The following LMBRD1 variants were observed in gnomAD, a reference collection of about 807,000 sequenced individuals.
LMBRD1 encodes the protein LMBR1 domain containing 1.
Under a neutral mutation model 74.8 loss-of-function variants are expected in LMBRD1, and 64 were observed. The observed-to-expected ratio is 0.86, with a 90% CI of 0.70 to 1.05. The LOEUF is 1.05. LMBRD1 is among the 50% of genes least tolerant of loss of function. The probability of loss-of-function intolerance (pLI) is 0.00; values close to 1 mark genes in which losing one functional copy is unlikely to be tolerated. For missense variants in LMBRD1, 652 were observed against 645.9 expected, an observed-to-expected ratio of 1.01 and a Z score of -0.10; for synonymous variants, 204 against 216.3, an observed-to-expected ratio of 0.94 and a Z score of 0.50.
chr6:69,719,143 T>C (rs1471274385), intron 7 of LMBRD1, 62 bp from the exon 8 acceptor site: 3 of 1,522,584 alleles, frequency 2.0e-6, no homozygotes, highest in Non-Finnish European at 2.7e-6. Flanking sequence ...TACACAATTT[T>C]AGGTTAAAAA....
intron 3 of LMBRD1, among the ~76,000 whole-genome samples, chr6:69,769,969 ATTGC>A (rs1765545708): frequency 6.6e-6 from 1 of 152,070 alleles, no homozygotes; most frequent in Non-Finnish European, 1.5e-5. Context: ...GTTCAGGCCA[ATTGC>A]CCCTGGCTTT....
chr6:69,781,521 CTTTT>C (rs36073304), intron 2 of LMBRD1, among the ~76,000 whole-genome samples: 1 of 151,698 alleles, frequency 6.6e-6, no homozygotes, highest in African/African-American at 2.4e-5. Flanking sequence ...TTTCTTTTCT[CTTTT>C]TTTTGCCCAT....
At position 69,790,373 on chromosome 6, in the gene LMBRD1, C is replaced by A; in HGVS notation, c.169G>T (p.Ala57Ser). Residue 57 changes from alanine (A) to serine (S), a missense_variant, in exon 2 of 16, where the codon GCA (alanine) becomes TCA (serine). Physicochemically the swap from Ala to Ser is moderately conservative, Grantham distance 99. This residue lies in a region of LMBRD1 where 598 missense variants were observed against 581.8 expected (regional missense o/e 1.03). Coordinates refer to ENST00000649934, the MANE Select transcript of LMBRD1 (RefSeq NM_018368.4). ...GGTAGAAGTGCTGATGTGATAAGTG[C>A]AATTGCTAGAGAAAAAATTGCTGTT... ...TITAIFSLAI[A>S]LITSALLPVD... 1.9e-6 allele frequency: 3 copies of A among 1,613,720 alleles called. No homozygotes were observed. In the South Asian group the frequency reaches 3.3e-5, roughly 18 times the overall value.
At chr6:69,788,208 C>T (rs1296808351) in intron 2 of LMBRD1, among the ~76,000 whole-genome samples, 1 of 151,840 alleles carries the variant, frequency 6.6e-6, no homozygotes, top group African/African-American at 2.4e-5. Context: ...GAAATGTTTT[C>T]CCACAAAATC....
intron 2 of LMBRD1, among the ~76,000 whole-genome samples, chr6:69,783,186 G>A (rs1489823299): frequency 1.3e-5 from 2 of 152,074 alleles, no homozygotes; most frequent in East Asian, 3.9e-4. Flanking sequence ...AAAAGAAAAT[G>A]TAAGTAGCGC....
intron 12 of LMBRD1, among the ~76,000 whole-genome samples, chr6:69,699,771 T>C (rs1174403049): frequency 6.6e-6 from 1 of 151,800 alleles, no homozygotes; most frequent in Non-Finnish European, 1.5e-5. Context: ...GCAACTTAGG[T>C]ATCACCTCCC....
In LMBRD1 at chr6:69,780,447, A is replaced by G. The variant is rs768178979; in HGVS notation, c.307+47T>C. ...CTCCACTCATCGGAGTCGTATCAGT[A>G]TTTTGGTTAGCAGTCCAAATAGGGA... is the stretch of plus-strand genomic sequence containing the variant. On this transcript the variant is annotated intron_variant, in intron 3 of 15. Coordinates refer to ENST00000649934, the MANE Select transcript of LMBRD1 (RefSeq NM_018368.4). 13 of 1,369,304 alleles carry G rather than the reference A, an allele frequency of 9.5e-6. No homozygotes were observed. In the East Asian group the frequency reaches 3.0e-4, roughly 31 times the overall value. The allele number at this position is 1,369,304 out of a possible 1,614,324, so 84.8% of individuals were successfully genotyped here. A position where few individuals can be genotyped will look rare whatever the true frequency, so the allele number is the denominator to read the frequency against.
At position 69,675,393 on chromosome 6, in the gene LMBRD1, C is replaced by T. The variant is rs1359221117; in HGVS notation, c.*765G>A. 1.3e-5 allele frequency among the ~76,000 whole-genome samples: 2 copies of T among 152,064 alleles called. No individual in the cohort carries two copies. Among genetic ancestry groups the T allele is most frequent in the African/African-American group, 2.4e-5 (1 of 41,398 alleles). On this transcript the variant is annotated 3_prime_UTR_variant, in exon 16 of 16. Coordinates refer to ENST00000649934, the MANE Select transcript of LMBRD1 (RefSeq NM_018368.4). ...TTAGAATGAAAAATTATCTCTAAAA[C>T]CAAAATATGATGCCATATATCTTAA... is the stretch of plus-strand genomic sequence containing the variant.
At chr6:69,707,311 G>C (rs935291927) in intron 9 of LMBRD1, among the ~76,000 whole-genome samples, 1 of 152,080 alleles carries the variant, frequency 6.6e-6, no homozygotes, top group African/African-American at 2.4e-5. Context: ...GAGCCCACCT[G>C]AATAACCCAG....
chr6:69,716,409 T>C (rs1468909442), intron 8 of LMBRD1, among the ~76,000 whole-genome samples: 2 of 152,176 alleles, frequency 1.3e-5, no homozygotes, highest in Non-Finnish European at 2.9e-5. Flanking sequence ...TGGCCACATG[T>C]ATGTCTCCTT....
chr6:69,783,650 G>A (rs1373300421), intron 2 of LMBRD1, among the ~76,000 whole-genome samples: 1 of 152,136 alleles, frequency 6.6e-6, no homozygotes, highest in Non-Finnish European at 1.5e-5. Context: ...ACAGGTGTGA[G>A]CCACCATACC....
intron 4 of LMBRD1, among the ~76,000 whole-genome samples, chr6:69,750,658 A>C (rs1765115237): frequency 6.6e-6 from 1 of 152,152 alleles, no homozygotes; most frequent in Non-Finnish European, 1.5e-5. Flanking sequence ...AGATCAACCA[A>C]AGGGTAGAAG....
At chr6:69,778,904 G>A (rs897961974) in intron 3 of LMBRD1, among the ~76,000 whole-genome samples, 6 of 152,084 alleles carry the variant, frequency 3.9e-5, no homozygotes, top group African/African-American at 1.4e-4. Context: ...AAAATTCAAT[G>A]GGGCAGGGCA....
chr6:69,694,653 T>C (rs768646190), intron 14 of LMBRD1, among the ~76,000 whole-genome samples: 11 of 152,160 alleles, frequency 7.2e-5, no homozygotes, highest in Non-Finnish European at 1.6e-4. Context: ...GTGGTCACTG[T>C]TTATTTTCTA....
intron 2 of LMBRD1, among the ~76,000 whole-genome samples, chr6:69,785,264 G>C (rs1327476578): frequency 1.3e-5 from 2 of 152,168 alleles, no homozygotes; most frequent in African/African-American, 2.4e-5. Context: ...ACACGATAGA[G>C]AACTCCAGTC....
chr6:69,698,383 C>T (rs913839299), intron 13 of LMBRD1, among the ~76,000 whole-genome samples: 1 of 151,948 alleles, frequency 6.6e-6, no homozygotes, highest in South Asian at 2.1e-4. Flanking sequence ...TAAAGCAATG[C>T]TTGATCAGGC....
At chr6:69,710,101 C>T (rs1766351203) in intron 9 of LMBRD1, among the ~76,000 whole-genome samples, 1 of 129,052 alleles carries the variant, frequency 7.7e-6, no homozygotes, top group African/African-American at 2.6e-5. Flanking sequence ...TTTATACTAC[C>T]TAACTTCATG....
intron 5 of LMBRD1, among the ~76,000 whole-genome samples, chr6:69,745,712 C>A (rs886571638): frequency 2.6e-5 from 4 of 152,098 alleles, no homozygotes; most frequent in Non-Finnish European, 5.9e-5. Context: ...CTTTTTATGT[C>A]ATTCTTCAAA....
intron 4 of LMBRD1, among the ~76,000 whole-genome samples, chr6:69,751,648 C>T (rs112605801): frequency 6.6e-6 from 1 of 152,172 alleles, no homozygotes; most frequent in Non-Finnish European, 1.5e-5. Context: ...TCAGCCTTAT[C>T]CTGGATTAGT....
Sources: allele counts gnomAD v4.1 joint callset (sites outside exome capture counted in the v4.1 genomes callset), GRCh38; gene constraint gnomAD v4.1.1; regional missense constraint gnomAD v4.1.1; transcripts MANE v1.5; gene names NCBI Gene and HGNC (gene_info 2026-07-23, HGNC 2026-07-21).